ARMC2: variants seen among roughly 807,000 people sequenced by gnomAD.
ARMC2 encodes the protein armadillo repeat containing 2.
A neutral mutation model predicts 90.3 loss-of-function variants in ARMC2; 67 were observed. The observed-to-expected ratio is 0.74, with a 90% confidence interval of 0.61 to 0.91. The LOEUF is 0.91. ARMC2 is among the 40% of genes least tolerant of loss of function. The pLI is 0.00. For synonymous variants in ARMC2, 393 were observed against 393.0 expected (o/e 1.00, Z 0.00); for missense variants, 920 against 1,030.9 (o/e 0.89, Z 1.47).
At chr6:109,009,324 T>C in the ARMC2 span, 1 of 1,456,430 alleles carries the variant, frequency 6.9e-7, no homozygotes, top group Non-Finnish European at 9.0e-7. Context: ...CCCGCCCAGG[T>C]ACCCAGCGGC....
chr6:108,956,960 C>G (rs951936559), intron 13 of ARMC2, among the ~76,000 whole-genome samples: 1 of 152,218 alleles, frequency 6.6e-6, no homozygotes, highest in African/African-American at 2.4e-5. Flanking sequence ...CTGTTGCACT[C>G]CAGCATGGGC....
chr6:108,976,506 A>G (rs1477572527), downstream of ARMC2, among the ~76,000 whole-genome samples: 1 of 152,164 alleles, frequency 6.6e-6, no homozygotes, highest in African/African-American at 2.4e-5. Context: ...TTGGTTCCGT[A>G]TGAAATTTAA....
chr6:108,969,093 C>T (rs995827448), intron 17 of ARMC2, among the ~76,000 whole-genome samples: 11 of 152,160 alleles, frequency 7.2e-5, no homozygotes, highest in Non-Finnish European at 1.3e-4. Context: ...ATGGGAAGTA[C>T]ACTAGGCTGT....
At chr6:108,902,335 T>A (rs1487154799) in intron 7 of ARMC2, among the ~76,000 whole-genome samples, 1 of 152,242 alleles carries the variant, frequency 6.6e-6, no homozygotes. Context: ...AACCCCTTTT[T>A]AAAGCTAAAA....
intron 11 of ARMC2, among the ~76,000 whole-genome samples, chr6:108,928,794 T>C (rs1163637629): frequency 6.6e-6 from 1 of 152,228 alleles, no homozygotes; most frequent in African/African-American, 2.4e-5. Context: ...CTTTGAATTA[T>C]GCATTTCTGT....
chr6:109,052,804 T>G, the ARMC2 span, among the ~76,000 whole-genome samples: 1 of 152,000 alleles, frequency 6.6e-6, no homozygotes, highest in Admixed American at 6.6e-5. Flanking sequence ...GAATATTCCT[T>G]TAGTTCATTC....
chr6:108,873,598 G>A (rs1776649885), intron 4 of ARMC2, among the ~76,000 whole-genome samples: 1 of 152,208 alleles, frequency 6.6e-6, no homozygotes, highest in South Asian at 2.1e-4. Context: ...ATTATTAAGA[G>A]TTTCAAGATA....
chr6:108,889,434 C>G (rs1770714261), intron 5 of ARMC2, among the ~76,000 whole-genome samples: 1 of 151,878 alleles, frequency 6.6e-6, no homozygotes, highest in South Asian at 2.1e-4. Flanking sequence ...GTGTGACCCA[C>G]TGCGCCCTGC....
At chr6:108,952,918 A>G in intron 12 of ARMC2, 115 bp from the exon 13 acceptor site, 2 of 1,024,556 alleles carry the variant, frequency 2.0e-6, no homozygotes, top group Non-Finnish European at 2.8e-6. Context: ...AGCCGAAGCC[A>G]GACGTGTTCC....
chr6:108,912,071 G>A (rs1229052012), intron 9 of ARMC2, among the ~76,000 whole-genome samples: 1 of 152,114 alleles, frequency 6.6e-6, no homozygotes, highest in African/African-American at 2.4e-5. Flanking sequence ...TTAGTAAGAG[G>A]CAAGGAATGA....
intron 4 of ARMC2, among the ~76,000 whole-genome samples, chr6:108,871,642 G>A (rs1776428576): frequency 1.3e-5 from 2 of 152,128 alleles, no homozygotes; most frequent in Admixed American, 6.5e-5. Flanking sequence ...TGCTTGCTGA[G>A]GTACACACTG....
chr6:108,944,414 T>C (rs2128498232), intron 12 of ARMC2, among the ~76,000 whole-genome samples: 1 of 152,262 alleles, frequency 6.6e-6, no homozygotes, highest in South Asian at 2.1e-4. Flanking sequence ...CAAATCTAGT[T>C]TGAAAAAGGT....
intron 17 of ARMC2, among the ~76,000 whole-genome samples, chr6:108,967,871 A>C (rs1036596249): frequency 6.6e-6 from 1 of 152,026 alleles, no homozygotes; most frequent in Non-Finnish European, 1.5e-5. Context: ...GCCTTTGCAC[A>C]TGTTCTGTTT....
At chr6:108,988,447 G>A in the ARMC2 span, 5 of 1,081,284 alleles carry the variant, frequency 4.6e-6, no homozygotes, top group Admixed American at 1.3e-4. Context: ...GGGTTGGTAG[G>A]GGTGATGGAA....
intron 3 of ARMC2, among the ~76,000 whole-genome samples, chr6:108,861,787 A>G (rs900164993): frequency 9.2e-5 from 14 of 152,102 alleles, no homozygotes; most frequent in African/African-American, 3.4e-4. Flanking sequence ...TCTTTATTCT[A>G]TGATTCTGTT....
the ARMC2 span, among the ~76,000 whole-genome samples, chr6:109,020,871 A>C: frequency 6.6e-6 from 1 of 152,194 alleles, no homozygotes; most frequent in Non-Finnish European, 1.5e-5. Context: ...CATGAACAAC[A>C]CTTCTTTTCT....
chr6:108,937,132 G>T, intron 12 of ARMC2, 133 bp downstream of exon 12: 1 of 742,888 alleles, frequency 1.3e-6, no homozygotes, highest in South Asian at 2.0e-5. Flanking sequence ...ATAATGGGCT[G>T]TCCTGGGAAG....
chr6:109,026,604 A>G, the ARMC2 span, among the ~76,000 whole-genome samples: 6 of 152,104 alleles, frequency 3.9e-5, no homozygotes, highest in East Asian at 1.2e-3. Flanking sequence ...GTTTCGGTTC[A>G]AGCGATTCTC....
chr6:108,980,847 G>A, the ARMC2 span, among the ~76,000 whole-genome samples: 1 of 152,066 alleles, frequency 6.6e-6, no homozygotes, highest in Non-Finnish European at 1.5e-5. Context: ...CCGAGATTGT[G>A]CCACTGCACT....
Sources: gnomAD v4.1 joint callset for allele counts (sites outside exome capture counted in the v4.1 genomes callset) on GRCh38, gnomAD v4.1.1 for gene constraint, MANE v1.5 for transcripts, NCBI Gene and HGNC (gene_info 2026-07-23, HGNC 2026-07-21) for gene names.